The following SLC25A13 variants were observed in gnomAD, a reference collection of about 807,000 sequenced individuals.
SLC25A13 encodes the protein electrogenic aspartate/glutamate antiporter SLC25A13, mitochondrial.
Under a neutral mutation model 85.5 loss-of-function variants are expected in SLC25A13, and 70 were observed. The observed-to-expected ratio is 0.82, with a 90% CI of 0.68 to 1.00. The LOEUF (loss-of-function observed/expected upper bound fraction) is 1.00, where lower values mean the gene tolerates loss of function less well. SLC25A13 is among the 50% of genes least tolerant of loss of function. The probability of loss-of-function intolerance (pLI) is 0.00; values close to 1 mark genes in which losing one functional copy is unlikely to be tolerated. For missense variants in SLC25A13, 765 were observed against 819.8 expected, an observed-to-expected ratio of 0.93 and a Z score of 0.82; for synonymous variants, 259 against 288.7, an observed-to-expected ratio of 0.90 and a Z score of 1.04.
chr7:96,261,055 G>T (rs1186967595), intron 3 of SLC25A13, among the ~76,000 whole-genome samples: 12 of 151,978 alleles, frequency 7.9e-5, no homozygotes, highest in Non-Finnish European at 1.0e-4. Context: ...AACATGCCAA[G>T]CACCCTCCCC....
At chr7:96,278,210 G>A (rs1798532872) in intron 2 of SLC25A13, among the ~76,000 whole-genome samples, 1 of 152,132 alleles carries the variant, frequency 6.6e-6, no homozygotes, top group Admixed American at 6.6e-5. Context: ...GCAGGAGACG[G>A]CCTCTTGATC....
chr7:96,318,152 T>C (rs1022265667), intron 1 of SLC25A13, among the ~76,000 whole-genome samples: 1 of 152,196 alleles, frequency 6.6e-6, no homozygotes, highest in African/African-American at 2.4e-5. Flanking sequence ...CAAATTTCCT[T>C]CTTTTGGTTC....
intron 5 of SLC25A13, among the ~76,000 whole-genome samples, chr7:96,201,976 C>T (rs747175570): frequency 1.1e-4 from 17 of 152,078 alleles, no homozygotes; most frequent in Admixed American, 3.9e-4. Context: ...TACCGTCACC[C>T]GGGAGCAGCA....
chr7:96,288,922 C>T (rs1448633123), intron 2 of SLC25A13, among the ~76,000 whole-genome samples: 1 of 152,164 alleles, frequency 6.6e-6, no homozygotes, highest in Non-Finnish European at 1.5e-5. Flanking sequence ...GTGGTTCTCC[C>T]AGCACAGGGT....
chr7:96,269,075 A>G (rs1381765912), intron 3 of SLC25A13, among the ~76,000 whole-genome samples: 1 of 152,188 alleles, frequency 6.6e-6, no homozygotes, highest in East Asian at 1.9e-4. Context: ...TGTCTGCTCC[A>G]TTAAATTAGA....
At chr7:96,199,557 C>T (rs577115116) in intron 5 of SLC25A13, among the ~76,000 whole-genome samples, 2 of 152,220 alleles carry the variant, frequency 1.3e-5, no homozygotes, top group East Asian at 1.9e-4. Context: ...CCCTTCCTAT[C>T]ACCTAAGGCC....
At chr7:96,226,596 C>T (rs1431211505) in intron 4 of SLC25A13, among the ~76,000 whole-genome samples, 1 of 151,400 alleles carries the variant, frequency 6.6e-6, no homozygotes, top group African/African-American at 2.4e-5. Context: ...TGCACCAACA[C>T]ATTTACTATC....
intron 14 of SLC25A13, among the ~76,000 whole-genome samples, chr7:96,143,658 C>CT (rs567814389): frequency 3.3e-4 from 51 of 152,302 alleles, no homozygotes; most frequent in Non-Finnish European, 4.6e-4. Context: ...CCATTTTCCA[C>CT]TTTTTTTCAG....
At chr7:96,308,677 A>T (rs1799847309) in intron 1 of SLC25A13, among the ~76,000 whole-genome samples, 1 of 152,244 alleles carries the variant, frequency 6.6e-6, no homozygotes, top group African/African-American at 2.4e-5. Context: ...ACAAACTCAG[A>T]AGCCATATAA....
At chr7:96,204,243 T>C (rs1055756459) in intron 5 of SLC25A13, among the ~76,000 whole-genome samples, 20 of 152,234 alleles carry the variant, frequency 1.3e-4, no homozygotes, top group African/African-American at 4.3e-4. Flanking sequence ...TTGTAAATTA[T>C]AAACATTATA....
At chr7:96,254,720 G>T (rs937497627) in intron 3 of SLC25A13, among the ~76,000 whole-genome samples, 2 of 152,044 alleles carry the variant, frequency 1.3e-5, no homozygotes, top group South Asian at 2.1e-4. Context: ...CTGCCTTTTG[G>T]ATACGAATGG....
intron 4 of SLC25A13, among the ~76,000 whole-genome samples, chr7:96,212,847 G>C (rs572771298): frequency 1.3e-5 from 2 of 152,248 alleles, no homozygotes; most frequent in African/African-American, 4.8e-5. Flanking sequence ...AAAAAGGCCT[G>C]AAGTTGTTTA....
At chr7:96,222,328 C>T (rs1796164018) in intron 4 of SLC25A13, among the ~76,000 whole-genome samples, 1 of 152,202 alleles carries the variant, frequency 6.6e-6, no homozygotes, top group Non-Finnish European at 1.5e-5. Flanking sequence ...GCCCAGGCCT[C>T]CCAGTGTGGC....
intron 11 of SLC25A13, among the ~76,000 whole-genome samples, chr7:96,179,287 T>C (rs768187837): frequency 2.0e-5 from 3 of 152,228 alleles, no homozygotes; most frequent in Non-Finnish European, 4.4e-5. Context: ...GTTTAATCTA[T>C]CTCCCTTGTT....
At chr7:96,140,397 C>CTTTTTTTT (rs59863233) in intron 14 of SLC25A13, among the ~76,000 whole-genome samples, 5 of 88,140 alleles carry the variant, frequency 5.7e-5, no homozygotes, top group Non-Finnish European at 8.1e-5. Flanking sequence ...CAAGGATCTC[C>CTTTTTTTT]TTTTTTTTTT....
intron 13 of SLC25A13, among the ~76,000 whole-genome samples, chr7:96,162,406 G>T (rs1485140250): frequency 6.6e-6 from 1 of 151,934 alleles, no homozygotes; most frequent in African/African-American, 2.4e-5. Context: ...AAACAAAACA[G>T]TACAAGAAAG....
At chr7:96,270,418 CG>C (rs750921881) in intron 3 of SLC25A13, among the ~76,000 whole-genome samples, 6 of 151,822 alleles carry the variant, frequency 4.0e-5, no homozygotes, top group Non-Finnish European at 5.9e-5. Flanking sequence ...TAGTAGGGCA[CG>C]GTGGCGGACC....
intron 15 of SLC25A13, among the ~76,000 whole-genome samples, chr7:96,131,214 A>C (rs1792016110): frequency 6.6e-6 from 1 of 152,222 alleles, no homozygotes. Context: ...ACTGAAAAAA[A>C]GAAGATAGTT....
chr7:96,166,390 GA>G lies in SLC25A13; in HGVS notation c.1311+3654del, dbSNP rs1793742707. On this transcript the variant is annotated intron_variant, in intron 13 of 17. Coordinates refer to ENST00000265631, the MANE Select transcript of SLC25A13 (RefSeq NM_014251.3). ...TTACTAAATATGGCTTTATAAGACA[GA>G]TGTTCATACTTTCATGACTTTCTTT... is the stretch of plus-strand genomic sequence containing the variant. Among the ~76,000 whole-genome samples the G allele has an allele frequency of 2.6e-5, 4 of 152,256 alleles. No individual in the cohort carries two copies. In the South Asian group the frequency reaches 8.3e-4, roughly 32 times the overall value.
Sources: allele counts gnomAD v4.1 joint callset (sites outside exome capture counted in the v4.1 genomes callset), GRCh38; gene constraint gnomAD v4.1.1; transcripts MANE v1.5; gene names NCBI Gene and HGNC (gene_info 2026-07-23, HGNC 2026-07-21).